The following CCDC171 variants were observed in gnomAD, a reference collection of about 807,000 sequenced individuals.
CCDC171 encodes the protein coiled-coil domain-containing protein 171.
In CCDC171, 177 loss-of-function variants were observed where a neutral mutation model predicts 168.2. The ratio of observed to expected loss-of-function variants is 1.05; its 90% confidence interval spans 0.93 to 1.19. The LOEUF is 1.19. CCDC171 is among the 50% of genes most tolerant of loss of function. The pLI is 0.00. For missense variants in CCDC171, 1,991 were observed against 1,539.0 expected (o/e 1.29, Z -4.91); for synonymous variants, 687 against 540.8 (o/e 1.27, Z -3.75).
At chr9:16,102,820 C>T in the CCDC171 span, among the ~76,000 whole-genome samples, 2 of 152,182 alleles carry the variant, frequency 1.3e-5, no homozygotes, top group African/African-American at 4.8e-5. Context: ...TTCTTTTCAT[C>T]CCCTGAGTGT....
intron 7 of CCDC171, among the ~76,000 whole-genome samples, chr9:15,637,073 T>C (rs958383211): frequency 6.6e-6 from 1 of 152,016 alleles, no homozygotes; most frequent in Non-Finnish European, 1.5e-5. Flanking sequence ...CTGGCCAACA[T>C]GGTGAAACCC....
intron 1 of CCDC171, among the ~76,000 whole-genome samples, chr9:15,559,209 G>T (rs1051180522): frequency 1.3e-5 from 2 of 152,142 alleles, no homozygotes; most frequent in Non-Finnish European, 2.9e-5. Flanking sequence ...TGTATATTCT[G>T]TTGATTTGGG....
At chr9:16,063,187 T>A (rs1378115419), downstream of CCDC171, among the ~76,000 whole-genome samples, 2 of 152,130 alleles carry the variant, frequency 1.3e-5, no homozygotes, top group African/African-American at 4.8e-5. Context: ...TGAGTAGTGA[T>A]TCCTAAGCAT....
intron 7 of CCDC171, among the ~76,000 whole-genome samples, chr9:15,629,410 T>C (rs1327106398): frequency 8.5e-5 from 13 of 152,104 alleles, no homozygotes; most frequent in Non-Finnish European, 1.5e-5. Context: ...TGCTATCAAC[T>C]GGAAGAAAGG....
At chr9:15,957,619 G>A (rs570461037) in intron 25 of CCDC171, among the ~76,000 whole-genome samples, 16 of 152,212 alleles carry the variant, frequency 1.1e-4, no homozygotes, top group African/African-American at 3.4e-4. Flanking sequence ...CAACTCAAAG[G>A]AAACTTTGAA....
the CCDC171 span, among the ~76,000 whole-genome samples, chr9:16,103,889 G>A: frequency 1.3e-5 from 2 of 152,314 alleles, no homozygotes; most frequent in East Asian, 1.9e-4. Context: ...ACTGGAGGTC[G>A]TCCAGAGGAA....
intron 21 of CCDC171, among the ~76,000 whole-genome samples, chr9:15,836,521 T>G (rs2060457709): frequency 6.6e-6 from 1 of 152,024 alleles, no homozygotes; most frequent in Admixed American, 6.6e-5. Flanking sequence ...CCGGCTAATT[T>G]TTTGTATTTT....
At chr9:15,642,817 A>G (rs555924838) in intron 7 of CCDC171, among the ~76,000 whole-genome samples, 5 of 152,262 alleles carry the variant, frequency 3.3e-5, no homozygotes, top group East Asian at 3.9e-4. Context: ...TGCTCTAAGC[A>G]GGAAAAACAG....
chr9:16,009,709 A>G (rs1832809951), intron 3 of CCDC171, among the ~76,000 whole-genome samples: 1 of 152,198 alleles, frequency 6.6e-6, no homozygotes, highest in Admixed American at 6.5e-5. Context: ...ATGTGAATAT[A>G]AGTGACATGC....
chr9:15,623,413 G>C lies in CCDC171; in HGVS notation c.822G>C (p.Glu274Asp). The change falls in exon 7 of 26, where the codon GAG becomes GAC. Residue 274 changes from glutamate (E) to aspartate (D), a missense_variant and splice_region_variant. Physicochemically the swap from Glu to Asp is conservative, Grantham distance 45. Coordinates refer to ENST00000380701, the MANE Select transcript of CCDC171 (RefSeq NM_173550.4). Reference sequence around the variant, plus strand: ...AGGAACGCCTTAGAAAAGAATTTGAGGTACATTTTCTCATTCCTTTATAAT... The same window carrying C: ...AGGAACGCCTTAGAAAAGAATTTGACGTACATTTTCTCATTCCTTTATAAT... ...QREERLRKEF[E>D]ATTLRVRKLE... 1 of 1,580,966 alleles carries C rather than the reference G, an allele frequency of 6.3e-7. No individual in the cohort carries two copies. The highest frequency in any genetic ancestry group is 1.1e-5 in the South Asian group (1 of 89,046).
chr9:15,594,979 C>T (rs1017148832), intron 6 of CCDC171, among the ~76,000 whole-genome samples: 12 of 152,086 alleles, frequency 7.9e-5, no homozygotes, highest in South Asian at 6.2e-4. Flanking sequence ...TGTATTTTTT[C>T]GACACAGAAT....
At chr9:16,025,268 G>A (rs1414333198) in intron 6 of CCDC171, among the ~76,000 whole-genome samples, 1 of 152,068 alleles carries the variant, frequency 6.6e-6, no homozygotes, top group African/African-American at 2.4e-5. Flanking sequence ...ATGGTAAAAT[G>A]CTGTCTCTAC....
At chr9:15,768,367 A>G (rs2056844908) in intron 18 of CCDC171, among the ~76,000 whole-genome samples, 2 of 152,004 alleles carry the variant, frequency 1.3e-5, no homozygotes, top group African/African-American at 2.4e-5. Context: ...TATTCTCCAT[A>G]TTCTACATTT....
At chr9:15,635,205 C>G (rs931252829) in intron 7 of CCDC171, among the ~76,000 whole-genome samples, 1 of 152,146 alleles carries the variant, frequency 6.6e-6, no homozygotes, top group Non-Finnish European at 1.5e-5. Context: ...GGAAGTCAGT[C>G]GAAGTCTCAA....
At chr9:15,931,448 CTTTCTTTCT>C (rs1307586096) in intron 25 of CCDC171, among the ~76,000 whole-genome samples, 1 of 76,780 alleles carries the variant, frequency 1.3e-5, no homozygotes, top group African/African-American at 4.6e-5. Context: ...TTCTTTCTTT[CTTTCTTTCT>C]TTTTTTTTTT....
At chr9:15,808,124 C>T (rs1013358106) in intron 21 of CCDC171, among the ~76,000 whole-genome samples, 4 of 151,824 alleles carry the variant, frequency 2.6e-5, no homozygotes, top group Admixed American at 2.6e-4. Flanking sequence ...CCACTTTTTC[C>T]TTTGTGAAGC....
chr9:15,631,098 C>G (rs1357858205), intron 7 of CCDC171, among the ~76,000 whole-genome samples: 1 of 151,972 alleles, frequency 6.6e-6, no homozygotes, highest in Non-Finnish European at 1.5e-5. Context: ...ACCCTAACAT[C>G]ACAATTAAAA....
At chr9:15,592,956 C>T (rs1587234482) in intron 5 of CCDC171, among the ~76,000 whole-genome samples, 2 of 151,816 alleles carry the variant, frequency 1.3e-5, no homozygotes, top group African/African-American at 4.8e-5. Context: ...ATGTGCCATG[C>T]TGGTGTGCTG....
chr9:16,102,822 CCT>C, the CCDC171 span, among the ~76,000 whole-genome samples: 1 of 152,126 alleles, frequency 6.6e-6, no homozygotes, highest in Non-Finnish European at 1.5e-5. Flanking sequence ...CTTTTCATCC[CCT>C]GAGTGTCTGG....
Sources: gnomAD v4.1 joint callset for allele counts (sites outside exome capture counted in the v4.1 genomes callset) on GRCh38, gnomAD v4.1.1 for gene constraint, MANE v1.5 for transcripts, NCBI Gene and HGNC (gene_info 2026-07-23, HGNC 2026-07-21) for gene names.